ARL15: variants seen among roughly 807,000 people sequenced by gnomAD.
ARL15 encodes the protein ARF like GTPase 15.
In ARL15, 19 loss-of-function variants were observed where a neutral mutation model predicts 25.2. That is an observed-to-expected ratio of 0.75 (90% CI 0.53 to 1.10). The LOEUF (loss-of-function observed/expected upper bound fraction) is 1.10. ARL15 is among the 50% of genes least tolerant of loss of function. The pLI is 0.00. For missense variants in ARL15, 220 were observed against 246.0 expected, an observed-to-expected ratio of 0.89 and a Z score of 0.71; for synonymous variants, 94 against 86.8, an observed-to-expected ratio of 1.08 and a Z score of -0.46.
intron 3 of ARL15, among the ~76,000 whole-genome samples, chr5:54,147,073 CT>C (rs2112328212): frequency 6.6e-6 from 1 of 152,246 alleles, no homozygotes; most frequent in East Asian, 1.9e-4. Context: ...TAGCTGTGGC[CT>C]TTTAACTCAC....
chr5:54,072,146 T>C (rs763448786), intron 4 of ARL15, among the ~76,000 whole-genome samples: 16 of 151,968 alleles, frequency 1.1e-4, no homozygotes, highest in Non-Finnish European at 1.5e-4. Flanking sequence ...CTATAAGAGG[T>C]TTTAGGATAT....
chr5:54,207,816 T>C (rs1422188587), intron 1 of ARL15, among the ~76,000 whole-genome samples: 1 of 152,144 alleles, frequency 6.6e-6, no homozygotes, highest in Non-Finnish European at 1.5e-5. Context: ...AACAAGAGGA[T>C]TGGTTCAGAT....
At chr5:54,208,700 ACC>A (rs1282868534) in intron 1 of ARL15, among the ~76,000 whole-genome samples, 8 of 152,074 alleles carry the variant, frequency 5.3e-5, no homozygotes, top group African/African-American at 1.9e-4. Flanking sequence ...TCTCAAAAAA[ACC>A]GACTTCCCAT....
chr5:54,217,694 C>A (rs1756249514), intron 1 of ARL15, among the ~76,000 whole-genome samples: 1 of 152,066 alleles, frequency 6.6e-6, no homozygotes, highest in Non-Finnish European at 1.5e-5. Flanking sequence ...AGATGATTCA[C>A]CGTAACGATC....
chr5:54,210,758 A>T lies in ARL15; in HGVS notation c.49-38830T>A, dbSNP rs1454970106. ...CTAGCCACCCTGAAGAATATTTACA[A>T]ATACAAATATATTAGAATTGAAAGA... On this transcript the variant is annotated intron_variant, in intron 1 of 4. Transcript: ENST00000504924. Among the ~76,000 whole-genome samples the T allele has an allele frequency of 2.0e-5, 3 of 152,246 alleles. No homozygotes were observed. In the East Asian group the frequency reaches 5.8e-4, roughly 29 times the overall value.
Position 54,184,011 on chromosome 5 carries a change from A to C in ARL15, c.49-12083T>G, listed in dbSNP as rs1283287607. On this transcript the variant is annotated intron_variant, in intron 1 of 4. Transcript: ENST00000504924. Reference sequence around the variant, plus strand: ...AAACTATCGCAAGAACAAAAAACCAAACACCGCATATTCTCACTCATAGGT... The same window carrying C: ...AAACTATCGCAAGAACAAAAAACCACACACCGCATATTCTCACTCATAGGT... Among the ~76,000 whole-genome samples the C allele has an allele frequency of 1.2e-4, 5 of 40,244 alleles. No homozygotes were observed. The South Asian group carries it at 2.9e-3, about 23-fold the overall frequency. The allele number at this position is 40,244 out of a possible 152,430, so 26.4% of individuals were successfully genotyped here.
chr5:54,104,277 C>T (rs1364944297), intron 4 of ARL15, among the ~76,000 whole-genome samples: 1 of 152,122 alleles, frequency 6.6e-6, no homozygotes, highest in African/African-American at 2.4e-5. Flanking sequence ...TTTTCATTCT[C>T]TTGAGGTCTT....
intron 4 of ARL15, among the ~76,000 whole-genome samples, chr5:53,964,880 G>T (rs1432256504): frequency 6.6e-6 from 1 of 152,208 alleles, no homozygotes; most frequent in African/African-American, 2.4e-5. Flanking sequence ...TGGATGAAAT[G>T]TTGGGATAGC....
intron 1 of ARL15, among the ~76,000 whole-genome samples, chr5:54,264,015 C>T (rs1020284560): frequency 1.1e-4 from 16 of 152,090 alleles, no homozygotes; most frequent in Non-Finnish European, 1.9e-4. Context: ...CACAGAATAC[C>T]TGATTGCTGA....
chr5:54,265,100 A>G (rs771320638), intron 1 of ARL15, among the ~76,000 whole-genome samples: 2 of 152,146 alleles, frequency 1.3e-5, no homozygotes, highest in African/African-American at 2.4e-5. Context: ...TTTTTCAAGC[A>G]CAGCTCATGA....
intron 4 of ARL15, among the ~76,000 whole-genome samples, chr5:54,094,575 A>G (rs1752228158): frequency 6.6e-6 from 1 of 151,208 alleles, no homozygotes; most frequent in Non-Finnish European, 1.5e-5. Context: ...GCATTTTAAG[A>G]TATGCTATAA....
At chr5:53,969,347 T>A (rs1747664377) in intron 4 of ARL15, among the ~76,000 whole-genome samples, 1 of 152,226 alleles carries the variant, frequency 6.6e-6, no homozygotes, top group Admixed American at 6.5e-5. Context: ...AATAGTATCA[T>A]ACTTTTTTTC....
chr5:53,957,032 T>A (rs1320942571), intron 4 of ARL15, among the ~76,000 whole-genome samples: 1 of 151,446 alleles, frequency 6.6e-6, no homozygotes, highest in Non-Finnish European at 1.5e-5. Context: ...AAAAAATGAT[T>A]TGAAGAAATA....
rs1179796374 is a variant in ARL15 at position 53,885,823 on chromosome 5, G to A, written c.*738C>T. On this transcript the variant is annotated 3_prime_UTR_variant, in exon 5 of 5. Transcript: ENST00000504924. The stretch of plus-strand genomic sequence containing the variant: ...TCCATTAAACAATATTTGAAGACTC[G>A]AATCAATCAAATACAGTCTGTGATG... 7.9e-5 allele frequency: 12 copies of A among 151,948 alleles called. No individual in the cohort carries two copies. Among genetic ancestry groups the A allele is most frequent in the African/African-American group, 1.2e-4 (5 of 41,454 alleles). 9.4% of individuals were successfully genotyped at this position (151,948 alleles called of 1,614,324 possible).
At chr5:54,075,162 A>G (rs1751557337) in intron 4 of ARL15, among the ~76,000 whole-genome samples, 1 of 151,548 alleles carries the variant, frequency 6.6e-6, no homozygotes, top group Non-Finnish European at 1.5e-5. Context: ...AAGCTATTAT[A>G]AGATAATTTA....
intron 4 of ARL15, among the ~76,000 whole-genome samples, chr5:53,978,679 G>C (rs1218763434): frequency 6.8e-6 from 1 of 147,298 alleles, no homozygotes; most frequent in Non-Finnish European, 1.5e-5. Context: ...CAGCAGGCAA[G>C]AGGTATGCTA....
chr5:54,262,086 G>T (rs906640459), intron 1 of ARL15, among the ~76,000 whole-genome samples: 2 of 152,044 alleles, frequency 1.3e-5, no homozygotes, highest in African/African-American at 4.8e-5. Context: ...GAAGGATCTG[G>T]TATCTCAACC....
chr5:54,281,218 C>A (rs1424465593), intron 1 of ARL15, among the ~76,000 whole-genome samples: 1 of 152,124 alleles, frequency 6.6e-6, no homozygotes, highest in Non-Finnish European at 1.5e-5. Context: ...CGGCTCACTG[C>A]AACCTCCACT....
intron 2 of ARL15, among the ~76,000 whole-genome samples, chr5:54,161,607 A>G (rs1754402923): frequency 6.6e-6 from 1 of 152,188 alleles, no homozygotes; most frequent in African/African-American, 2.4e-5. Context: ...TTTATGAATT[A>G]TCTCTTTATA....
Sources: allele counts gnomAD v4.1 joint callset (sites outside exome capture counted in the v4.1 genomes callset), GRCh38; gene constraint gnomAD v4.1.1; transcripts MANE v1.5; gene names NCBI Gene and HGNC (gene_info 2026-07-23, HGNC 2026-07-21).